TLCD5: variants seen among roughly 807,000 people sequenced by gnomAD.
The protein encoded by TLCD5 is TLC domain-containing protein 5.
Under a neutral mutation model 20.5 loss-of-function variants are expected in TLCD5, and 15 were observed. That is an observed-to-expected ratio of 0.73 (90% CI 0.49 to 1.13). The LOEUF (loss-of-function observed/expected upper bound fraction) is 1.13, where lower values mean the gene tolerates loss of function less well. TLCD5 is among the 50% of genes most tolerant of loss of function. The probability of loss-of-function intolerance (pLI) is 0.00; values close to 1 mark genes in which losing one functional copy is unlikely to be tolerated. For synonymous variants in TLCD5, 107 were observed against 114.7 expected, an observed-to-expected ratio of 0.93 and a Z score of 0.43; for missense variants, 289 against 305.6, an observed-to-expected ratio of 0.95 and a Z score of 0.41.
At chr11:120,328,062 T>C (rs1407926161) in intron 2 of TLCD5, among the ~76,000 whole-genome samples, 2 of 152,218 alleles carry the variant, frequency 1.3e-5, no homozygotes, top group South Asian at 2.1e-4. Flanking sequence ...TGTTACTAGA[T>C]GTACAAGTGT....
chr11:120,328,091 A>ATT (rs777952540), intron 2 of TLCD5, among the ~76,000 whole-genome samples: 1 of 145,576 alleles, frequency 6.9e-6, no homozygotes, highest in African/African-American at 2.5e-5. Flanking sequence ...GAAGTATGCA[A>ATT]TTTTTTTTTT....
Position 120,330,167 on chromosome 11 carries a change from C to T in TLCD5, c.390C>T (p.Leu130=), listed in dbSNP as rs1162983707. ...CTGGCACAGAGGTCAATGCAGTCCTCTTTGGAAGTGAGCTTACCAACCCCT... is the reference window on the plus strand; with the variant it reads ...CTGGCACAGAGGTCAATGCAGTCCTTTTTGGAAGTGAGCTTACCAACCCCT... ...GESGTEVNAV[L]FGSELTNPLL... The change falls in exon 3 of 3, where the codon CTC becomes CTT. Residue 130 remains leucine (L), a synonymous_variant. Transcript: ENST00000375095. 2 of 1,599,006 alleles carry T rather than the reference C, an allele frequency of 1.3e-6. No homozygotes were observed. Among genetic ancestry groups the T allele is most frequent in the Admixed American group, 3.5e-5 (2 of 57,126 alleles).
At chr11:120,325,647 G>C (rs1591455466) in intron 1 of TLCD5, among the ~76,000 whole-genome samples, 3 of 152,116 alleles carry the variant, frequency 2.0e-5, no homozygotes, top group African/African-American at 7.2e-5. Flanking sequence ...CGGGGCCCGC[G>C]CTCGCCGCCA....
rs1591462092 is a variant in TLCD5 at position 120,330,634 on chromosome 11, A to T, written c.*119A>T. The T allele has an allele frequency of 5.0e-6, 6 of 1,201,540 alleles. No individual in the cohort carries two copies. Among genetic ancestry groups the T allele is most frequent in the Non-Finnish European group, 6.8e-6 (6 of 882,906 alleles). 74.4% of individuals were successfully genotyped at this position (1,201,540 alleles called of 1,614,324 possible). A position where few individuals can be genotyped will look rare whatever the true frequency, so the allele number is the denominator to read the frequency against. On this transcript the variant is annotated 3_prime_UTR_variant, in exon 3 of 3. Coordinates refer to ENST00000375095, the MANE Select transcript of TLCD5 (RefSeq NM_001198671.2). ...TAGGTTTCAATAAAGGGCTAAATGT[A>T]TTGATCAATTTGGTCAGTCTTCAAG...
At chr11:120,329,215 T>G (rs61898351) in intron 2 of TLCD5, among the ~76,000 whole-genome samples, 11 of 151,882 alleles carry the variant, frequency 7.2e-5, no homozygotes, top group Middle Eastern at 6.8e-3. Context: ...GACCTTATTT[T>G]CAAATACACT....
rs1186450728 is a variant in TLCD5 at position 120,331,184 on chromosome 11, A to C, written c.*669A>C. On this transcript the variant is annotated 3_prime_UTR_variant, in exon 3 of 3. Transcript: ENST00000375095. This position sits in a 1 kb window ranked among gnomAD's most constrained non-coding sequence, Gnocchi z 4.5. ...CTCAGTGGACTCAGCATATAGTCTT[A>C]CTTATAGTTTTGATTTATTATAGTG... The C allele has an allele frequency of 6.6e-6, 1 of 152,234 alleles. No homozygotes were observed. Among genetic ancestry groups the C allele is most frequent in the Non-Finnish European group, 1.5e-5 (1 of 68,054 alleles). 9.4% of individuals were successfully genotyped at this position (152,234 alleles called of 1,614,324 possible).
At position 120,329,965 on chromosome 11, in the gene TLCD5, G is replaced by T. The variant is rs1591460798; in HGVS notation, c.200-12G>T. 6.2e-7 allele frequency: 1 copy of T among 1,602,880 alleles called. No individual in the cohort carries two copies. The highest frequency in any genetic ancestry group is 2.2e-5 in the East Asian group (1 of 44,688). On this transcript the variant is annotated splice_polypyrimidine_tract_variant and intron_variant, in intron 2 of 2. Transcript: ENST00000375095. Reference sequence around the variant, plus strand: ...CAGTCACTCAATTTGCTTCTGTCTTGGTTTGTTTCAGGCTCACCCAATACA... The same window carrying T: ...CAGTCACTCAATTTGCTTCTGTCTTTGTTTGTTTCAGGCTCACCCAATACA...
rs541419510 is a variant in TLCD5, at chr11:120,333,437, C to A, written c.*2922C>A. ...ATTTCAGCTTTTCTTGATGTTGTTA[C>A]TAATAACTATGAAAAAACTTCTGAG... On this transcript the variant is annotated 3_prime_UTR_variant, in exon 3 of 3. Transcript: ENST00000375095. This position sits in a 1 kb window ranked among gnomAD's most constrained non-coding sequence, Gnocchi z 4.5. 1.1e-4 allele frequency: 17 copies of A among 152,178 alleles called. No homozygotes were observed. The highest frequency in any genetic ancestry group is 4.1e-4 in the African/African-American group (17 of 41,504). The allele number at this position is 152,178 out of a possible 1,614,324, so 9.4% of individuals were successfully genotyped here.
chr11:120,330,684 AC>A lies in TLCD5; in HGVS notation c.*170del. 1.5e-6 allele frequency: 1 copy of A among 682,232 alleles called. No individual in the cohort carries two copies. The highest frequency in any genetic ancestry group is 2.4e-6 in the Non-Finnish European group (1 of 421,156). The allele number at this position is 682,232 out of a possible 1,614,324, so 42.3% of individuals were successfully genotyped here. A position where few individuals can be genotyped will look rare whatever the true frequency, so the allele number is the denominator to read the frequency against. ...GCCGAGCATATACCAGTATTAAAAC[AC>A]TAACTTCTACAGTAGCACAGTTGTA... On this transcript the variant is annotated 3_prime_UTR_variant, in exon 3 of 3. Transcript: ENST00000375095.
intron 1 of TLCD5, 24 bp from the exon 2 acceptor site, chr11:120,327,417 C>T (rs978086337): frequency 1.2e-6 from 2 of 1,613,942 alleles, no homozygotes; most frequent in Non-Finnish European, 1.7e-6. Context: ...CTTTGTTTTT[C>T]TGGTTTTGGT....
At chr11:120,327,191 G>A (rs543635729) in intron 1 of TLCD5, 199 of 614,216 alleles carry the variant, frequency 3.2e-4, no homozygotes, top group Non-Finnish European at 4.4e-4. Flanking sequence ...CTACCAGCTC[G>A]GAGTGCAGTT....
Position 120,327,077 on chromosome 11 carries a change from A to G in TLCD5, c.-1-364A>G, listed in dbSNP as rs1030269483. ...ATTGGGGTTTTTGAACTGTGAAGAC[A>G]TTATTTAATACATGTGCTTTATTTT... On this transcript the variant is annotated intron_variant, in intron 1 of 2. Transcript: ENST00000375095. The G allele has an allele frequency of 5.1e-5, 18 of 354,626 alleles. No homozygotes were observed. The South Asian group carries it at 5.4e-4, about 11-fold the overall frequency. 22.0% of individuals were successfully genotyped at this position (354,626 alleles called of 1,614,324 possible). A position where few individuals can be genotyped will look rare whatever the true frequency, so the allele number is the denominator to read the frequency against.
At chr11:120,329,363 C>A (rs1383761771) in intron 2 of TLCD5, among the ~76,000 whole-genome samples, 6 of 152,096 alleles carry the variant, frequency 3.9e-5, no homozygotes, top group Non-Finnish European at 7.3e-5. Context: ...GAGTTTCCCC[C>A]CAAACTGTCA....
chr11:120,331,425 T>A lies in TLCD5; in HGVS notation c.*910T>A, dbSNP rs2135173295. 6.6e-6 allele frequency: 1 copy of A among 152,388 alleles called. No homozygotes were observed. Among genetic ancestry groups the A allele is most frequent in the Admixed American group, 6.5e-5 (1 of 15,300 alleles). 9.4% of individuals were successfully genotyped at this position (152,388 alleles called of 1,614,324 possible). On this transcript the variant is annotated 3_prime_UTR_variant, in exon 3 of 3. Coordinates refer to ENST00000375095, the MANE Select transcript of TLCD5 (RefSeq NM_001198671.2). This position sits in a 1 kb window ranked among gnomAD's most constrained non-coding sequence, Gnocchi z 4.5. ...AAGTTTTTACTGAGGACAGGTCATC[T>A]AGGCAGGCTTTCCCTGGCAGATAGC...
In TLCD5 at chr11:120,333,256, C is replaced by T. The variant is rs1335132137; in HGVS notation, c.*2741C>T. ...ACCTGTTCCATACCAGACAAATGAA[C>T]AGGCTTAATCTGGTACCAATTCTTT... On this transcript the variant is annotated 3_prime_UTR_variant, in exon 3 of 3. Transcript: ENST00000375095. This position sits in a 1 kb window ranked among gnomAD's most constrained non-coding sequence, Gnocchi z 4.5. The T allele has an allele frequency of 6.6e-6, 1 of 152,128 alleles. No individual in the cohort carries two copies. The highest frequency in any genetic ancestry group is 6.5e-5 in the Admixed American group (1 of 15,278). 9.4% of individuals were successfully genotyped at this position (152,128 alleles called of 1,614,324 possible).
Position 120,330,932 on chromosome 11 carries a change from T to C in TLCD5, c.*417T>C, listed in dbSNP as rs1309783367. 6.4e-6 allele frequency: 1 copy of C among 156,126 alleles called. No individual in the cohort carries two copies. The highest frequency in any genetic ancestry group is 2.4e-5 in the African/African-American group (1 of 41,560). The allele number at this position is 156,126 out of a possible 1,614,324, so 9.7% of individuals were successfully genotyped here. The stretch of plus-strand genomic sequence containing the variant: ...CTTATTTCTGCTTTCCATATAGCAA[T>C]TTATCTAAGTTTACCCCATTTACTA... On this transcript the variant is annotated 3_prime_UTR_variant, in exon 3 of 3. Transcript: ENST00000375095.
At chr11:120,327,779 G>T in intron 2 of TLCD5, 139 bp downstream of exon 2, 1 of 855,822 alleles carries the variant, frequency 1.2e-6, no homozygotes, top group South Asian at 2.1e-5. Context: ...CTTCTTCATT[G>T]TTAACTCTGA....
rs1038941365 is a variant in TLCD5 at position 120,333,317 on chromosome 11, A to C, written c.*2802A>C. 4 of 152,288 alleles carry C rather than the reference A, an allele frequency of 2.6e-5. No individual in the cohort carries two copies. Among genetic ancestry groups the C allele is most frequent in the African/African-American group, 9.6e-5 (4 of 41,560 alleles). 9.4% of individuals were successfully genotyped at this position (152,288 alleles called of 1,614,324 possible). On this transcript the variant is annotated 3_prime_UTR_variant, in exon 3 of 3. Transcript: ENST00000375095. The surrounding 1 kb of genome is among the most constrained non-coding windows in gnomAD (Gnocchi z 4.5). ...CTCCTCAGAAGTGAAGGGACTGCAG[A>C]TCTTGTTGTTTTGGGGACACTTTCA...
At chr11:120,329,015 GTGTGTA>G in intron 2 of TLCD5, among the ~76,000 whole-genome samples, 1 of 148,692 alleles carries the variant, frequency 6.7e-6, no homozygotes, top group African/African-American at 2.5e-5. Flanking sequence ...GTGTGTGTGT[GTGTGTA>G]TGTGTTTGTA....
Sources: gnomAD v4.1 joint callset for allele counts (sites outside exome capture counted in the v4.1 genomes callset) on GRCh38, gnomAD v4.1.1 for gene constraint, Gnocchi (gnomAD v3.1) non-coding constraint, MANE v1.5 for transcripts, NCBI Gene and HGNC (gene_info 2026-07-23, HGNC 2026-07-21) for gene names.